PLEKHA5: variants seen among roughly 807,000 people sequenced by gnomAD.
The protein encoded by PLEKHA5 is pleckstrin homology domain-containing family A member 5.
PLEKHA5 carries 55 observed loss-of-function variants against 181.9 expected under a neutral mutation model. The ratio of observed to expected loss-of-function variants is 0.30; its 90% CI spans 0.24 to 0.38. The LOEUF (loss-of-function observed/expected upper bound fraction) is 0.38, where lower values mean the gene tolerates loss of function less well. Ranked by LOEUF, PLEKHA5 falls within the 10% of genes least tolerant of loss-of-function variation. The probability of loss-of-function intolerance (pLI) is 1.00; values close to 1 mark genes in which losing one functional copy is unlikely to be tolerated. For synonymous variants in PLEKHA5, 535 were observed against 529.4 expected, an observed-to-expected ratio of 1.01 and a Z score of -0.15; for missense variants, 1,432 against 1,549.5, an observed-to-expected ratio of 0.92 and a Z score of 1.27.
At chr12:19,248,460 A>T (rs1374787277) in intron 3 of PLEKHA5, among the ~76,000 whole-genome samples, 1 of 152,122 alleles carries the variant, frequency 6.6e-6, no homozygotes, top group African/African-American at 2.4e-5. Flanking sequence ...GGCCTCCCAA[A>T]GTGCTGGGAT....
At chr12:19,160,184 T>A (rs1167439966) in intron 3 of PLEKHA5, among the ~76,000 whole-genome samples, 1 of 152,164 alleles carries the variant, frequency 6.6e-6, no homozygotes, top group African/African-American at 2.4e-5. Context: ...TTAAAATGAT[T>A]TATTATGACA....
intron 3 of PLEKHA5, among the ~76,000 whole-genome samples, chr12:19,206,156 G>A (rs2055432964): frequency 6.6e-6 from 1 of 151,808 alleles, no homozygotes; most frequent in Non-Finnish European, 1.5e-5. Context: ...TCATATTATG[G>A]TGATCAATAG....
At chr12:19,231,185 G>T (rs1287827546) in intron 3 of PLEKHA5, among the ~76,000 whole-genome samples, 1 of 151,852 alleles carries the variant, frequency 6.6e-6, no homozygotes, top group Non-Finnish European at 1.5e-5. Flanking sequence ...CTGTTTTTTT[G>T]ATGATAATGA....
intron 3 of PLEKHA5, among the ~76,000 whole-genome samples, chr12:19,244,613 A>G (rs1303821240): frequency 6.6e-6 from 1 of 152,218 alleles, no homozygotes; most frequent in Non-Finnish European, 1.5e-5. Context: ...ACTAAATTAA[A>G]TCTTTTTCTT....
intron 3 of PLEKHA5, chr12:19,200,515 T>C: frequency 1.5e-6 from 2 of 1,362,316 alleles, no homozygotes; most frequent in Non-Finnish European, 1.9e-6. Context: ...TCCAAATCTT[T>C]GATTACTCAC....
At chr12:19,330,942 A>G (rs986647294) in intron 20 of PLEKHA5, among the ~76,000 whole-genome samples, 4 of 152,188 alleles carry the variant, frequency 2.6e-5, no homozygotes, top group South Asian at 2.1e-4. Context: ...TAATTACACT[A>G]CATCTATTGC....
At chr12:19,145,662 G>A (rs556476063) in intron 3 of PLEKHA5, among the ~76,000 whole-genome samples, 1 of 152,072 alleles carries the variant, frequency 6.6e-6, no homozygotes, top group African/African-American at 2.4e-5. Flanking sequence ...GTTGGACATC[G>A]AGGTTTTTTC....
At chr12:19,197,903 T>A (rs1419229472) in intron 3 of PLEKHA5, among the ~76,000 whole-genome samples, 2 of 152,160 alleles carry the variant, frequency 1.3e-5, no homozygotes, top group African/African-American at 4.8e-5. Flanking sequence ...TCTCAATTTT[T>A]CTCTTTCCTT....
intron 3 of PLEKHA5, among the ~76,000 whole-genome samples, chr12:19,199,242 A>G (rs1350671329): frequency 2.0e-5 from 3 of 152,200 alleles, no homozygotes; most frequent in African/African-American, 7.2e-5. Flanking sequence ...AGATCTTCCT[A>G]AAGATTGAAT....
intron 3 of PLEKHA5, among the ~76,000 whole-genome samples, chr12:19,155,400 A>G (rs2041442501): frequency 6.6e-6 from 1 of 152,136 alleles, no homozygotes; most frequent in Non-Finnish European, 1.5e-5. Context: ...AGATTTTTCT[A>G]TTAAGTCCCG....
At chr12:19,348,365 G>A (rs1565647899) in intron 24 of PLEKHA5, 34 bp from the exon 25 acceptor site, 1 of 1,528,264 alleles carries the variant, frequency 6.5e-7, no homozygotes, top group Non-Finnish European at 8.8e-7. Context: ...ACTTTTAGCA[G>A]TTTTTTAGGG....
At chr12:19,358,134 A>T (rs546226823) in intron 26 of PLEKHA5, 94 bp from the exon 27 acceptor site, 15 of 839,796 alleles carry the variant, frequency 1.8e-5, no homozygotes, top group Middle Eastern at 2.4e-4. Context: ...TTTTGAAAAC[A>T]AAATAAATAA....
chr12:19,169,784 CCA>C (rs2045465020), intron 3 of PLEKHA5, among the ~76,000 whole-genome samples: 2 of 152,126 alleles, frequency 1.3e-5, no homozygotes, highest in Non-Finnish European at 2.9e-5. Context: ...TTTAATTGGG[CCA>C]CAGTCTCTTG....
chr12:19,259,787 A>ATT (rs34120370), intron 6 of PLEKHA5, among the ~76,000 whole-genome samples: 14 of 137,738 alleles, frequency 1.0e-4, no homozygotes, highest in African/African-American at 3.3e-4. Context: ...TTGCCATTTA[A>ATT]TTTTTTTTTT....
chr12:19,328,229 A>T (rs2092443882), intron 20 of PLEKHA5, among the ~76,000 whole-genome samples: 1 of 152,158 alleles, frequency 6.6e-6, no homozygotes, highest in African/African-American at 2.4e-5. Flanking sequence ...TTTAGTCTGT[A>T]GCCTTATAGT....
intron 20 of PLEKHA5, among the ~76,000 whole-genome samples, chr12:19,329,869 G>C (rs927422776): frequency 3.5e-4 from 53 of 151,608 alleles, no homozygotes; most frequent in African/African-American, 1.3e-3. Context: ...TTGAGCCCAG[G>C]AGTTTGGGAC....
Position 19,129,849 on chromosome 12 carries a change from C to G in PLEKHA5, c.50C>G (p.Thr17Ser), listed in dbSNP as rs771539419. The change falls in exon 1 of 32, where the codon ACT (threonine) becomes AGT (serine). Residue 17 changes from threonine to serine, a missense_variant. Physicochemically the swap from Thr to Ser is moderately conservative, Grantham distance 58. This residue lies in a region of PLEKHA5 where 289 missense variants were observed against 381.1 expected (regional missense o/e 0.76). Coordinates refer to ENST00000429027, the MANE Select transcript of PLEKHA5 (RefSeq NM_001256470.2). ...LEWISLPRSW[T>S]YGITRGGRVF... ...TGGATCTCCCTGCCCCGGTCCTGGA[C>G]TTACGGGATCACCAGGGGCGGCCGA... 17 of 1,607,700 alleles carry G rather than the reference C, an allele frequency of 1.1e-5. No homozygotes were observed. The highest frequency in any genetic ancestry group is 4.5e-5 in the East Asian group (2 of 44,220).
intron 25 of PLEKHA5, among the ~76,000 whole-genome samples, chr12:19,353,227 C>T (rs2094708092): frequency 6.6e-6 from 1 of 152,104 alleles, no homozygotes; most frequent in Non-Finnish European, 1.5e-5. Flanking sequence ...TATCTCAGCT[C>T]ACTGCAACCT....
At chr12:19,251,286 AT>A (rs1254071421) in intron 3 of PLEKHA5, among the ~76,000 whole-genome samples, 5 of 151,998 alleles carry the variant, frequency 3.3e-5, no homozygotes, top group Admixed American at 3.3e-4. Flanking sequence ...CACGCTCGTA[AT>A]CCCAGCTAAC....
Sources: allele counts gnomAD v4.1 joint callset (sites outside exome capture counted in the v4.1 genomes callset), GRCh38; gene constraint gnomAD v4.1.1; regional missense constraint gnomAD v4.1.1; transcripts MANE v1.5; gene names NCBI Gene and HGNC (gene_info 2026-07-23, HGNC 2026-07-21).